Variants in HDAC4 observed in about 807,000 individuals in gnomAD.
HDAC4 encodes the protein histone deacetylase A.
Under a neutral mutation model 135.1 loss-of-function variants are expected in HDAC4, and 16 were observed. The observed-to-expected ratio is 0.12, with a 90% CI of 0.08 to 0.18. HDAC4 has a LOEUF of 0.18. Among genes scored for constraint, HDAC4 ranks in the 10% least tolerant of loss-of-function variants. The pLI is 1.00. For synonymous variants in HDAC4, 685 were observed against 653.4 expected (o/e 1.05, Z -0.74); for missense variants, 1,143 against 1,511.8 (o/e 0.76, Z 4.05).
At chr2:239,092,025 C>A (rs1033493673) in intron 17 of HDAC4, 1 of 152,038 alleles carries the variant, frequency 6.6e-6, no homozygotes, top group Non-Finnish European at 1.5e-5. Context: ...GAGCCGAGAT[C>A]GCGCCACTGC....
chr2:239,345,853 CAA>C (rs1491207401), intron 2 of HDAC4, among the ~76,000 whole-genome samples: 1 of 150,478 alleles, frequency 6.6e-6, no homozygotes, highest in African/African-American at 2.5e-5. Context: ...CACATGCACT[CAA>C]ACACACACAC....
intron 2 of HDAC4, among the ~76,000 whole-genome samples, chr2:239,302,952 A>C (rs1272903272): frequency 6.6e-6 from 1 of 152,102 alleles, no homozygotes; most frequent in Non-Finnish European, 1.5e-5. Context: ...GGCCCGGAGC[A>C]CCTTGGCAGG....
chr2:239,342,906 G>A (rs1269649523), intron 2 of HDAC4, among the ~76,000 whole-genome samples: 2 of 152,156 alleles, frequency 1.3e-5, no homozygotes, highest in Non-Finnish European at 2.9e-5. Context: ...CCTGGCTATG[G>A]GCTTCGGTCT....
At chr2:239,250,127 T>A (rs2048701609) in intron 2 of HDAC4, among the ~76,000 whole-genome samples, 2 of 152,256 alleles carry the variant, frequency 1.3e-5, no homozygotes, top group Non-Finnish European at 2.9e-5. Context: ...ACATCTCCTA[T>A]GAGGATGCGT....
Position 239,107,337 on chromosome 2 carries a change from G to A in HDAC4, c.2112+713C>T, listed in dbSNP as rs796697025. On this transcript the variant is annotated intron_variant, in intron 15 of 26. Transcript: ENST00000543185. ...CTGGTTCCTATCAGGAGGCGGGGCC[G>A]GGCCCTCCTTGTATGAGAACAAGTG... 3.5e-4 allele frequency among the ~76,000 whole-genome samples: 54 copies of A among 152,352 alleles called. 1 individual carries two copies. The highest frequency in any genetic ancestry group is 1.3e-3 in the African/African-American group (52 of 41,576).
chr2:239,238,639 C>A (rs2048018057), intron 2 of HDAC4, among the ~76,000 whole-genome samples: 1 of 152,212 alleles, frequency 6.6e-6, no homozygotes, highest in African/African-American at 2.4e-5. Flanking sequence ...TCACATGAAG[C>A]CCTTTCTTGA....
intron 2 of HDAC4, among the ~76,000 whole-genome samples, chr2:239,281,549 C>CACAATGTACACACCACTCT: frequency 6.8e-6 from 1 of 146,456 alleles, no homozygotes; most frequent in African/African-American, 2.5e-5. Context: ...CCACTCTACA[C>CACAATGTACACACCACTCT]ACAATGTACA....
At chr2:239,055,716 C>CAA (rs201658364) in intron 24 of HDAC4, among the ~76,000 whole-genome samples, 3,017 of 70,978 alleles carry the variant, frequency 0.043, 123 homozygotes, top group African/African-American at 0.13. Context: ...GACCCTGTCT[C>CAA]AAAAAAAAAA....
At chr2:239,172,623 A>G (rs2043526576) in intron 5 of HDAC4, among the ~76,000 whole-genome samples, 1 of 152,104 alleles carries the variant, frequency 6.6e-6, no homozygotes, top group Non-Finnish European at 1.5e-5. Context: ...CCCTAAGAAA[A>G]CAGAACATAG....
chr2:239,377,248 A>G (rs759491595), intron 1 of HDAC4, among the ~76,000 whole-genome samples: 1 of 152,036 alleles, frequency 6.6e-6, no homozygotes, highest in African/African-American at 2.4e-5. Flanking sequence ...TCGCCACCAC[A>G]GGTTACGAGG....
At position 239,196,158 on chromosome 2, in the gene HDAC4, G is replaced by A. The variant is rs866727773; in HGVS notation, c.95-6081C>T. Among the ~76,000 whole-genome samples, 118 of 151,682 alleles carry A rather than the reference G, an allele frequency of 7.8e-4. 1 individual carries two copies. The highest frequency in any genetic ancestry group is 2.3e-3 in the African/African-American group (93 of 41,084). On this transcript the variant is annotated intron_variant, in intron 3 of 26. Coordinates refer to ENST00000543185, the MANE Select transcript of HDAC4 (RefSeq NM_001378414.1). ...ATATTTTGCCTCTATGTGGGGGTGG[G>A]GGGAAGAGAGAGGATGGGACAGAAG...
At position 239,141,596 on chromosome 2, in the gene HDAC4, C is replaced by A. The variant is rs934861288; in HGVS notation, c.866-1800G>T. On this transcript the variant is annotated intron_variant, in intron 8 of 26. Transcript: ENST00000543185. The surrounding 1 kb of genome is among the most constrained non-coding windows in gnomAD (Gnocchi z 4.9). ...AAAGCAGGACCCGCCTTCTCCAGGCCCCTCCAACTCTCCCATCTCTGCCCC... is the reference window on the plus strand; with the variant it reads ...AAAGCAGGACCCGCCTTCTCCAGGCACCTCCAACTCTCCCATCTCTGCCCC... Among the ~76,000 whole-genome samples, 1 of 152,172 alleles carries A rather than the reference C, an allele frequency of 6.6e-6. No homozygotes were observed. Among genetic ancestry groups the A allele is most frequent in the Non-Finnish European group, 1.5e-5 (1 of 68,038 alleles).
At chr2:239,157,077 C>T (rs1306609785) in intron 6 of HDAC4, among the ~76,000 whole-genome samples, 1 of 152,238 alleles carries the variant, frequency 6.6e-6, no homozygotes, top group Non-Finnish European at 1.5e-5. Context: ...TCTCAGATGG[C>T]TCCAGCCCAG....
intron 9 of HDAC4, 141 bp from the exon 10 acceptor site, chr2:239,134,784 A>T (rs2040835257): frequency 1.4e-6 from 1 of 724,750 alleles, no homozygotes; most frequent in Non-Finnish European, 2.5e-6. Flanking sequence ...ATGAGACAGC[A>T]ATGAGAGCAT....
At chr2:239,075,180 C>T (rs920885563) in intron 22 of HDAC4, among the ~76,000 whole-genome samples, 6 of 136,482 alleles carry the variant, frequency 4.4e-5, no homozygotes, top group East Asian at 2.4e-4. Context: ...GCCGAGATCG[C>T]GCCACTGCAC....
At chr2:239,250,737 G>A (rs974908090) in intron 2 of HDAC4, among the ~76,000 whole-genome samples, 4 of 152,234 alleles carry the variant, frequency 2.6e-5, no homozygotes, top group East Asian at 3.9e-4. Context: ...AGAAAGGACG[G>A]TTTTCAGTGG....
At chr2:239,377,507 T>G (rs1361917605) in intron 1 of HDAC4, among the ~76,000 whole-genome samples, 5 of 152,194 alleles carry the variant, frequency 3.3e-5, no homozygotes, top group African/African-American at 1.2e-4. Context: ...TCTATGCAGA[T>G]CTCCACACCT....
intron 12 of HDAC4, among the ~76,000 whole-genome samples, chr2:239,122,299 A>T (rs2039762490): frequency 6.6e-6 from 1 of 152,200 alleles, no homozygotes; most frequent in African/African-American, 2.4e-5. Flanking sequence ...TTCTTGCTGT[A>T]GGGGTGGAGG....
chr2:239,171,915 A>G (rs956636351), intron 5 of HDAC4, among the ~76,000 whole-genome samples: 1 of 152,198 alleles, frequency 6.6e-6, no homozygotes, highest in South Asian at 2.1e-4. Context: ...ACCTTCAAAG[A>G]TTAACCTGAA....
Sources: allele counts gnomAD v4.1 joint callset (sites outside exome capture counted in the v4.1 genomes callset), GRCh38; gene constraint gnomAD v4.1.1; non-coding constraint Gnocchi (gnomAD v3.1); transcripts MANE v1.5; gene names NCBI Gene and HGNC (gene_info 2026-07-23, HGNC 2026-07-21).